Variants in FBXL18 observed in about 807,000 individuals in gnomAD.
FBXL18 encodes the protein F-box and leucine rich repeat protein 18, also known as F-box/LRR-repeat protein 18.
In FBXL18, 36 loss-of-function variants were observed where a neutral mutation model predicts 46.0. The observed-to-expected ratio is 0.78, with a 90% CI of 0.60 to 1.03. The LOEUF (loss-of-function observed/expected upper bound fraction) is 1.03. Among genes scored for constraint, FBXL18 ranks in the 50% least tolerant of loss-of-function variants. The pLI is 0.00. For missense variants in FBXL18, 977 were observed against 1,004.1 expected (o/e 0.97, Z 0.36); for synonymous variants, 557 against 465.3 (o/e 1.20, Z -2.54).
intron 1 of FBXL18, among the ~76,000 whole-genome samples, chr7:5,511,434 A>G (rs1372562149): frequency 6.6e-6 from 1 of 151,328 alleles, no homozygotes; most frequent in Admixed American, 6.6e-5. Context: ...CAAAAAAAAA[A>G]TGTATTTTTT....
intron 4 of FBXL18, among the ~76,000 whole-genome samples, chr7:5,463,732 T>TA (rs59217817): frequency 0.011 from 142 of 12,482 alleles, 8 homozygotes; most frequent in African/African-American, 0.031. Context: ...TTATTTATTT[T>TA]TTTTTTTTTT....
At chr7:5,505,776 T>A (rs1166661951) in intron 1 of FBXL18, 146 bp from the exon 2 acceptor site, 1 of 652,470 alleles carries the variant, frequency 1.5e-6, no homozygotes, top group East Asian at 2.7e-5. Context: ...TGACAAAGAA[T>A]TCACGAAATC....
chr7:5,463,720 ATTTATTTATTTTTTTTTTT>A (rs1783293626), intron 4 of FBXL18, among the ~76,000 whole-genome samples: 1 of 63,290 alleles, frequency 1.6e-5, no homozygotes. Context: ...TTATTTATTT[ATTTATTTATTTTTTTTTTT>A]TTTTTTTTTT....
intron 3 of FBXL18, among the ~76,000 whole-genome samples, chr7:5,493,933 A>AGAC (rs1562694504): frequency 1.3e-5 from 2 of 151,968 alleles, no homozygotes; most frequent in African/African-American, 2.4e-5. Context: ...CAGGAGTTCG[A>AGAC]CACTGGCCAA....
rs1038770844 is a variant in FBXL18, at chr7:5,496,138, C to T, written c.1781+4350G>A. Among the ~76,000 whole-genome samples, 6 of 152,290 alleles carry T rather than the reference C, an allele frequency of 3.9e-5. No homozygotes were observed. Among genetic ancestry groups the T allele is most frequent in the Non-Finnish European group, 7.3e-5 (5 of 68,028 alleles). The stretch of plus-strand genomic sequence containing the variant: ...AGGCCGGAGACAAGCAGCCATGTGA[C>T]CTAGGCAAGTTCATGCACTCTCTGG... On this transcript the variant is annotated intron_variant, in intron 3 of 4. Coordinates refer to ENST00000382368, the MANE Select transcript of FBXL18 (RefSeq NM_024963.6). The surrounding 1 kb of genome is among the most constrained non-coding windows in gnomAD (Gnocchi z 4.8).
intron 1 of FBXL18, among the ~76,000 whole-genome samples, chr7:5,508,191 G>A (rs191682215): frequency 1.3e-5 from 2 of 151,966 alleles, no homozygotes; most frequent in Admixed American, 6.6e-5. Context: ...ACTTGAAACC[G>A]GGATGTGGAG....
At chr7:5,494,547 G>C (rs1408203166) in intron 3 of FBXL18, among the ~76,000 whole-genome samples, 1 of 152,096 alleles carries the variant, frequency 6.6e-6, no homozygotes, top group Non-Finnish European at 1.5e-5. Context: ...TTTAAAGATA[G>C]TAATAAAATG....
intron 4 of FBXL18, among the ~76,000 whole-genome samples, chr7:5,464,276 C>T (rs1783309666): frequency 1.3e-5 from 2 of 151,742 alleles, no homozygotes; most frequent in African/African-American, 4.8e-5. Context: ...GTCAGGAGTT[C>T]AAGACCAGCC....
In FBXL18 at chr7:5,480,548, A is replaced by ATATATATATATAAT. The variant is rs1783616980; in HGVS notation, c.*1226_*1227insATTATATATATATA. On this transcript the variant is annotated 3_prime_UTR_variant, in exon 5 of 5. Coordinates refer to ENST00000382368, the MANE Select transcript of FBXL18 (RefSeq NM_024963.6). Reference sequence around the variant, plus strand: ...GTTGAATATATATATATATATATATATTTTTTTTTTTTTTTTTTTTTTTTT... The same window carrying ATATATATATATAAT: ...GTTGAATATATATATATATATATATATATATATATATAATTTTTTTTTTTTTTTTTTTTTTTTTT... 2 of 40,344 alleles carry ATATATATATATAAT rather than the reference A, an allele frequency of 5.0e-5. No homozygotes were observed. The highest frequency in any genetic ancestry group is 1.9e-4 in the African/African-American group (2 of 10,398). The allele number at this position is 40,344 out of a possible 1,614,324, so 2.5% of individuals were successfully genotyped here. A position where few individuals can be genotyped will look rare whatever the true frequency, so the allele number is the denominator to read the frequency against.
At chr7:5,486,599 G>C (rs1783783207) in intron 4 of FBXL18, among the ~76,000 whole-genome samples, 1 of 150,820 alleles carries the variant, frequency 6.6e-6, no homozygotes. Flanking sequence ...GCTGCAGTGA[G>C]CTGTGATTGC....
intron 3 of FBXL18, among the ~76,000 whole-genome samples, chr7:5,499,547 T>A (rs12534135): frequency 2.0e-5 from 3 of 152,020 alleles, no homozygotes; most frequent in African/African-American, 4.8e-5. Flanking sequence ...TGGCCAATAC[T>A]GCAAAACCCC....
chr7:5,467,747 C>T (rs1451603842), intron 4 of FBXL18, among the ~76,000 whole-genome samples: 1 of 152,090 alleles, frequency 6.6e-6, no homozygotes, highest in African/African-American at 2.4e-5. Flanking sequence ...AGCCGTTTCA[C>T]TAAGGAGAGT....
chr7:5,503,704 C>A (rs1784324318), intron 2 of FBXL18, among the ~76,000 whole-genome samples: 1 of 152,152 alleles, frequency 6.6e-6, no homozygotes, highest in South Asian at 2.1e-4. Context: ...CACAGTGGCT[C>A]ATGCCTGTAA....
chr7:5,511,539 G>A (rs1307603709), intron 1 of FBXL18, among the ~76,000 whole-genome samples: 1 of 151,942 alleles, frequency 6.6e-6, no homozygotes, highest in Non-Finnish European at 1.5e-5. Flanking sequence ...CTGGGAAGCA[G>A]AGGTTGCAGT....
At chr7:5,463,704 A>ATATATATATATATATATATATATTT (rs1562672177) in intron 4 of FBXL18, among the ~76,000 whole-genome samples, 1 of 43,986 alleles carries the variant, frequency 2.3e-5, no homozygotes, top group Non-Finnish European at 4.0e-5. Flanking sequence ...CTATATATAT[A>ATATATATATATATATATATATATTT]TTTATTTATT....
At chr7:5,474,480 T>C (rs1783476406), downstream of FBXL18, among the ~76,000 whole-genome samples, 1 of 151,602 alleles carries the variant, frequency 6.6e-6, no homozygotes, top group African/African-American at 2.4e-5. Context: ...CATGCCCGGC[T>C]AATATTTGTA....
At chr7:5,498,078 T>C (rs1784130155) in intron 3 of FBXL18, among the ~76,000 whole-genome samples, 1 of 149,912 alleles carries the variant, frequency 6.7e-6, no homozygotes, top group African/African-American at 2.5e-5. Flanking sequence ...TTTTTCTTTT[T>C]ACTTTTTTTT....
At chr7:5,502,933 A>G (rs1184043987) in intron 2 of FBXL18, among the ~76,000 whole-genome samples, 2 of 152,156 alleles carry the variant, frequency 1.3e-5, no homozygotes, top group Non-Finnish European at 2.9e-5. Flanking sequence ...GACCCAAAGG[A>G]ACTGAAAACT....
Position 5,501,535 on chromosome 7 carries a change from T to A in FBXL18, c.734A>T (p.Glu245Val). ...CACAGCCAGGTAGAGCCGCACCACC[T>A]CCTGGTTGATGTAGCCGGGGGCCAG... is the stretch of plus-strand genomic sequence containing the variant. ...ARLAPGYINQ[E>V]VVRLYLAVLS... Residue 245 changes from glutamate to valine, a missense_variant, in exon 3 of 5, where the codon GAG (glutamate) becomes GTG (valine). Transcript: ENST00000382368. 6.2e-7 allele frequency: 1 copy of A among 1,613,810 alleles called. No individual in the cohort carries two copies. The highest frequency in any genetic ancestry group is 8.5e-7 in the Non-Finnish European group (1 of 1,179,992).
Sources: allele counts gnomAD v4.1 joint callset (sites outside exome capture counted in the v4.1 genomes callset), GRCh38; gene constraint gnomAD v4.1.1; non-coding constraint Gnocchi (gnomAD v3.1); transcripts MANE v1.5; gene names NCBI Gene and HGNC (gene_info 2026-07-23, HGNC 2026-07-21).